The following ROS1 variants were observed in gnomAD, a reference collection of about 807,000 sequenced individuals.
The protein encoded by ROS1 is proto-oncogene tyrosine-protein kinase ROS.
A neutral mutation model predicts 273.5 loss-of-function variants in ROS1; 263 were observed. That is an observed-to-expected ratio of 0.96 (90% CI 0.87 to 1.06). ROS1 has a LOEUF of 1.06. Ranked by LOEUF, ROS1 falls within the 50% of genes least tolerant of loss-of-function variation. The pLI is 0.00. For synonymous variants in ROS1, 1,008 were observed against 954.1 expected (o/e 1.06, Z -1.04); for missense variants, 2,833 against 2,751.1 (o/e 1.03, Z -0.67).
At chr6:117,309,397 T>C (rs1291289383) in intron 41 of ROS1, among the ~76,000 whole-genome samples, 2 of 152,164 alleles carry the variant, frequency 1.3e-5, no homozygotes, top group Non-Finnish European at 2.9e-5. Context: ...AGCATTGACA[T>C]GCAGACACAC....
intron 18 of ROS1, among the ~76,000 whole-genome samples, chr6:117,375,741 T>C (rs774548666): frequency 9.9e-5 from 15 of 152,050 alleles, no homozygotes; most frequent in Non-Finnish European, 1.9e-4. Flanking sequence ...AATATTAGCA[T>C]AGATGAATAG....
At chr6:117,300,086 CTTTTTTTTTTTTTT>C (rs10700318) in intron 43 of ROS1, among the ~76,000 whole-genome samples, 18 of 31,836 alleles carry the variant, frequency 5.7e-4, no homozygotes, top group Admixed American at 5.5e-3. Context: ...CCAGGACAGG[CTTTTTTTTTTTTTT>C]TTTTTTTTTT....
rs768649987 is a variant in ROS1 at position 117,301,124 on chromosome 6, T to C, written c.6565A>G (p.Thr2189Ala). The C allele has an allele frequency of 3.2e-6, 5 of 1,585,320 alleles. No individual in the cohort carries two copies. Among genetic ancestry groups the C allele is most frequent in the Non-Finnish European group, 4.3e-6 (5 of 1,170,500 alleles). The change falls in exon 43 of 44, where the codon ACC becomes GCC. Residue 2189 changes from threonine to alanine, a missense_variant. By Grantham distance (58) the Thr-to-Ala change is moderately conservative. Transcript: ENST00000368507. Reference sequence around the variant, plus strand: ...TCGGGTTCTTGAGCCCAGCACTGGGTCATTAAATTCCACCTAAATATATGG... The same window carrying C: ...TCGGGTTCTTGAGCCCAGCACTGGGCCATTAAATTCCACCTAAATATATGG... ...NCPDDLWNLMTQCWAQEPDQR... is the reference protein window; with the variant it reads ...NCPDDLWNLMAQCWAQEPDQR...
intron 31 of ROS1, 140 bp from the exon 32 acceptor site, chr6:117,337,480 TCCCAAAC>T (rs1777568769): frequency 3.1e-6 from 2 of 636,474 alleles, no homozygotes; most frequent in Middle Eastern, 8.9e-4. Context: ...TTATGAATGA[TCCCAAAC>T]ATTACCCCAC....
intron 26 of ROS1, among the ~76,000 whole-genome samples, chr6:117,355,616 G>GTT (rs1230914772): frequency 9.7e-5 from 14 of 144,384 alleles, no homozygotes; most frequent in Non-Finnish European, 1.1e-4. Flanking sequence ...TTTAATTTTA[G>GTT]TTTTTTTTTT....
chr6:117,302,277 C>A (rs1170082210), intron 42 of ROS1, among the ~76,000 whole-genome samples: 1 of 152,098 alleles, frequency 6.6e-6, no homozygotes, highest in Non-Finnish European at 1.5e-5. Context: ...ATAACCCAAC[C>A]TCTCTTATTT....
At chr6:117,337,068 G>A (rs1777533836) in intron 32 of ROS1, 104 bp downstream of exon 32, 3 of 906,446 alleles carry the variant, frequency 3.3e-6, no homozygotes, top group Non-Finnish European at 5.0e-6. Flanking sequence ...ATAATGTACT[G>A]CTTTTAAAGA....
chr6:117,389,712 C>T lies in ROS1; in HGVS notation c.1424G>A (p.Arg475Gln), dbSNP rs140178288. Residue 475 changes from arginine (R) to glutamine (Q), a missense_variant, in exon 13 of 44, where the codon CGA (arginine) becomes CAA (glutamine). Coordinates refer to ENST00000368507, the MANE Select transcript of ROS1 (RefSeq NM_001378902.1). ...KDFAIKPQAK[R>Q]IIYFNDTAQV... ...GGCAGTGTCATTGAAGTAAATGATT[C>T]GCTTGGCTTGTGGCTTGATTGCAAA... The T allele has an allele frequency of 6.0e-5, 97 of 1,614,128 alleles. No homozygotes were observed. In the African/African-American group the frequency reaches 1.0e-3, roughly 17 times the overall value.
At chr6:117,403,781 TA>T (rs1301508128) in intron 6 of ROS1, among the ~76,000 whole-genome samples, 1 of 152,214 alleles carries the variant, frequency 6.6e-6, no homozygotes, top group East Asian at 1.9e-4. Flanking sequence ...ATTTTCCTTA[TA>T]AAATAAATAT....
rs1271530026 is a variant in ROS1, at chr6:117,288,611, G to A, written c.6907C>T (p.Pro2303Ser). ...TGGCAGAAATCTTTGTCTGCATGTG[G>A]TTCCTTCTCTTCTTTCCTCAGACCA... is the stretch of plus-strand genomic sequence containing the variant. ...SCGLRKEEKE[P>S]HADKDFCQEK... The change falls in exon 44 of 44, where the codon CCA (proline) becomes TCA (serine). Residue 2303 changes from proline to serine, a missense_variant. Coordinates refer to ENST00000368507, the MANE Select transcript of ROS1 (RefSeq NM_001378902.1). 1.2e-6 allele frequency: 2 copies of A among 1,614,106 alleles called. No individual in the cohort carries two copies. Among genetic ancestry groups the A allele is most frequent in the South Asian group, 1.1e-5 (1 of 91,074 alleles).
In ROS1 at chr6:117,394,654, T is replaced by C. The variant is rs140108938; in HGVS notation, c.968A>G (p.His323Arg). The change falls in exon 10 of 44, where the codon CAT becomes CGT. Residue 323 changes from histidine to arginine, a missense_variant. By Grantham distance (29) the His-to-Arg change is conservative. Transcript: ENST00000368507. ...GTATATAGCATCCAACCGAAGGCAA[T>C]GTGCTTCATCTACTAAATGTTTTAA... ...RSLKHLVDEA[H>R]CLRLDAIYHN... The C allele has an allele frequency of 5.0e-6, 8 of 1,611,730 alleles. No individual in the cohort carries two copies. Among genetic ancestry groups the C allele is most frequent in the Non-Finnish European group, 6.8e-6 (8 of 1,178,396 alleles).
At chr6:117,394,133 A>T (rs1312164003) in intron 11 of ROS1, 29 bp downstream of exon 11, 1 of 1,457,712 alleles carries the variant, frequency 6.9e-7, no homozygotes, top group Non-Finnish European at 9.4e-7. Context: ...ACTGTCTATC[A>T]CTATTCCTCT....
rs749751627 is a variant in ROS1 at position 117,366,301 on chromosome 6, A to G, written c.2583-11T>C. On this transcript the variant is annotated splice_polypyrimidine_tract_variant and intron_variant, in intron 18 of 43. Coordinates refer to ENST00000368507, the MANE Select transcript of ROS1 (RefSeq NM_001378902.1). ...GTGGTATCCCCAGTGCTGCTAAAAC[A>G]TAACACCAATTAGTGTGTGTTTCTG... The G allele has an allele frequency of 4.4e-6, 7 of 1,603,374 alleles. No individual in the cohort carries two copies. Among genetic ancestry groups the G allele is most frequent in the Non-Finnish European group, 5.1e-6 (6 of 1,170,406 alleles).
At position 117,300,871 on chromosome 6, in the gene ROS1, T is replaced by C. The variant is rs1006471742; in HGVS notation, c.6715+103A>G. On this transcript the variant is annotated intron_variant, in intron 43 of 43. Coordinates refer to ENST00000368507, the MANE Select transcript of ROS1 (RefSeq NM_001378902.1). ...TGATGACAAAGGTGCCAGTATATTA[T>C]TCTTTTTGCCTACCCCAAAATGCTT... The C allele has an allele frequency of 3.0e-5, 25 of 834,484 alleles. No individual in the cohort carries two copies. In the African/African-American group the frequency reaches 4.2e-4, roughly 14 times the overall value. 51.7% of individuals were successfully genotyped at this position (834,484 alleles called of 1,614,324 possible). A position where few individuals can be genotyped will look rare whatever the true frequency, so the allele number is the denominator to read the frequency against.
intron 32 of ROS1, among the ~76,000 whole-genome samples, chr6:117,333,145 CA>C (rs974823123): frequency 9.1e-4 from 138 of 150,860 alleles, no homozygotes; most frequent in African/African-American, 3.0e-3. Context: ...CAAATAGACA[CA>C]AAAAAAATGA....
rs1775187836 is a variant in ROS1 at position 117,414,542 on chromosome 6, C to A, written c.232G>T (p.Asp78Tyr). Residue 78 changes from aspartate (D) to tyrosine (Y), a missense_variant, in exon 4 of 44, where the codon GAT becomes TAT. Physicochemically the swap from Asp to Tyr is radical, Grantham distance 160. Transcript: ENST00000368507. The part of the protein sequence containing the change: ...DQKNCALKCN[D>Y]TYATVCERES... The stretch of plus-strand genomic sequence containing the variant: ...ACCTCACAAACGGTGGCATAAGTAT[C>A]ATTCTGCATAGAAAAAAAAAAAGAC... 1 of 723,728 alleles carries A rather than the reference C, an allele frequency of 1.4e-6. No homozygotes were observed. Among genetic ancestry groups the A allele is most frequent in the East Asian group, 2.6e-5 (1 of 39,128 alleles). The allele number at this position is 723,728 out of a possible 1,614,324, so 44.8% of individuals were successfully genotyped here.
chr6:117,344,043 A>T lies in ROS1; in HGVS notation c.4506+17T>A. 6.3e-7 allele frequency: 1 copy of T among 1,578,364 alleles called. No homozygotes were observed. Among genetic ancestry groups the T allele is most frequent in the Non-Finnish European group, 8.7e-7 (1 of 1,147,638 alleles). On this transcript the variant is annotated intron_variant, in intron 28 of 43. Coordinates refer to ENST00000368507, the MANE Select transcript of ROS1 (RefSeq NM_001378902.1). ...AACATCTTGTGAAAAGACAAAGACC[A>T]CTAGTTCCAATCTTACCAGAATTCT...
chr6:117,324,932 CT>C (rs1316625648), intron 34 of ROS1, among the ~76,000 whole-genome samples: 2 of 151,890 alleles, frequency 1.3e-5, no homozygotes, highest in South Asian at 2.1e-4. Context: ...TTTGTACCCC[CT>C]ATTAGCTATG....
chr6:117,371,502 A>C (rs1562327818), intron 18 of ROS1, among the ~76,000 whole-genome samples: 1 of 152,178 alleles, frequency 6.6e-6, no homozygotes, highest in African/African-American at 2.4e-5. Context: ...TAACTGGAGA[A>C]AGACCATAGG....
Sources: gnomAD v4.1 joint callset for allele counts (sites outside exome capture counted in the v4.1 genomes callset) on GRCh38, gnomAD v4.1.1 for gene constraint, MANE v1.5 for transcripts, NCBI Gene and HGNC (gene_info 2026-07-23, HGNC 2026-07-21) for gene names.